CNTLN: variants seen among roughly 807,000 people sequenced by gnomAD.
The protein encoded by CNTLN is centlein, centrosomal protein.
In CNTLN, 212 loss-of-function variants were observed where a neutral mutation model predicts 180.0. The observed-to-expected ratio is 1.18, with a 90% CI of 1.05 to 1.32. The LOEUF (loss-of-function observed/expected upper bound fraction) is 1.32. Among genes scored for constraint, CNTLN ranks in the 40% most tolerant of loss-of-function variants. The pLI, the probability that CNTLN is intolerant of heterozygous loss-of-function variation, is 0.00. For synonymous variants in CNTLN, 722 were observed against 563.1 expected (o/e 1.28, Z -3.99); for missense variants, 2,095 against 1,610.9 (o/e 1.30, Z -5.14).
At position 17,458,465 on chromosome 9, in the gene CNTLN, T is replaced by C. The variant is rs575010709; in HGVS notation, c.3306+750T>C. 5.3e-5 allele frequency among the ~76,000 whole-genome samples: 8 copies of C among 152,042 alleles called. No individual in the cohort carries two copies. In the East Asian group the frequency reaches 1.4e-3, roughly 26 times the overall value. Reference sequence around the variant, plus strand: ...AGTATATATGGGACCATTGCTATAATGTGAGTCACTAGAAAGAAAATCCTG... The same window carrying C: ...AGTATATATGGGACCATTGCTATAACGTGAGTCACTAGAAAGAAAATCCTG... On this transcript the variant is annotated intron_variant, in intron 19 of 25. Transcript: ENST00000380647.
At chr9:17,312,366 A>ATATATATATATATAT (rs1554685993) in intron 8 of CNTLN, among the ~76,000 whole-genome samples, 23 of 9,314 alleles carry the variant, frequency 2.5e-3, no homozygotes, top group Admixed American at 6.4e-3. Flanking sequence ...TATATATATT[A>ATATATATATATATAT]TATATATATA....
chr9:17,517,973 T>A, the CNTLN span, among the ~76,000 whole-genome samples: 1 of 151,284 alleles, frequency 6.6e-6, no homozygotes, highest in Non-Finnish European at 1.5e-5. Flanking sequence ...CTCTTTAGGC[T>A]TTTTTTCTTC....
intron 7 of CNTLN, chr9:17,302,165 A>T (rs1189847573): frequency 1.1e-6 from 1 of 942,692 alleles, no homozygotes; most frequent in Middle Eastern, 5.4e-4. Flanking sequence ...ACTTCCTTTT[A>T]TGAAGCTATA....
rs763857715 is a variant in CNTLN at position 17,309,271 on chromosome 9, A to T, written c.1341+19A>T. The T allele has an allele frequency of 6.6e-7, 1 of 1,519,852 alleles. No individual in the cohort carries two copies. The highest frequency in any genetic ancestry group is 2.2e-5 in the Admixed American group (1 of 46,358). The allele number at this position is 1,519,852 out of a possible 1,614,324, so 94.1% of individuals were successfully genotyped here. A position where few individuals can be genotyped will look rare whatever the true frequency, so the allele number is the denominator to read the frequency against. ...AGCACAGGTGAGAGACATTTTCTAA[A>T]ACTGTTATTCAGTGTAATATTAAAT... On this transcript the variant is annotated intron_variant, in intron 8 of 25. Coordinates refer to ENST00000380647, the MANE Select transcript of CNTLN (RefSeq NM_017738.4).
At chr9:17,239,433 T>TC (rs1329239312) in intron 5 of CNTLN, among the ~76,000 whole-genome samples, 1 of 147,706 alleles carries the variant, frequency 6.8e-6, no homozygotes, top group East Asian at 2.0e-4. Context: ...TACTTTTTAC[T>TC]CTTTTGATGG....
At chr9:17,389,037 G>GC in intron 14 of CNTLN, among the ~76,000 whole-genome samples, 1 of 151,950 alleles carries the variant, frequency 6.6e-6, no homozygotes, top group South Asian at 2.1e-4. Context: ...TTAATACTTA[G>GC]ATAAAGCTGA....
chr9:17,174,561 T>A (rs1820601620), intron 2 of CNTLN, among the ~76,000 whole-genome samples: 1 of 151,968 alleles, frequency 6.6e-6, no homozygotes, highest in Admixed American at 6.6e-5. Flanking sequence ...CCGGACGTGG[T>A]GGTGGGTGCC....
chr9:17,211,703 C>G (rs541222372), intron 2 of CNTLN, among the ~76,000 whole-genome samples: 1 of 151,824 alleles, frequency 6.6e-6, no homozygotes, highest in East Asian at 2.1e-4. Flanking sequence ...AATGTTCTTC[C>G]ATTTGTTTAT....
At chr9:17,350,863 A>T (rs1015962687) in intron 12 of CNTLN, among the ~76,000 whole-genome samples, 1 of 152,186 alleles carries the variant, frequency 6.6e-6, no homozygotes, top group African/African-American at 2.4e-5. Flanking sequence ...TTCAAATCTG[A>T]TGTATGAACA....
At chr9:17,445,196 A>G (rs1018646996) in intron 18 of CNTLN, among the ~76,000 whole-genome samples, 122 of 152,298 alleles carry the variant, frequency 8.0e-4, no homozygotes, top group African/African-American at 2.7e-3. Context: ...TATAGGGTAT[A>G]TTTATAAATG....
rs763678026 is a variant in CNTLN at position 17,464,482 on chromosome 9, T to C, written c.3405-15T>C. 15 of 900,016 alleles carry C rather than the reference T, an allele frequency of 1.7e-5. No homozygotes were observed. Among genetic ancestry groups the C allele is most frequent in the Non-Finnish European group, 2.1e-5 (14 of 661,494 alleles). 55.8% of individuals were successfully genotyped at this position (900,016 alleles called of 1,614,324 possible). A position where few individuals can be genotyped will look rare whatever the true frequency, so the allele number is the denominator to read the frequency against. ...ATTTTCTGTCACTCTTGATGTCACC[T>C]TTTTTTTTTTCAAGGATATCTCGAA... On this transcript the variant is annotated splice_polypyrimidine_tract_variant and intron_variant, in intron 20 of 25. Transcript: ENST00000380647.
At chr9:17,527,381 C>T in the CNTLN span, among the ~76,000 whole-genome samples, 3 of 152,170 alleles carry the variant, frequency 2.0e-5, no homozygotes, top group African/African-American at 7.2e-5. Context: ...TTCAAGCAGG[C>T]TATACTATCA....
chr9:17,175,351 T>A (rs934236854), intron 2 of CNTLN, among the ~76,000 whole-genome samples: 1 of 152,132 alleles, frequency 6.6e-6, no homozygotes, highest in Non-Finnish European at 1.5e-5. Context: ...GTTTCTTTTC[T>A]TTTTTTGCCT....
intron 15 of CNTLN, among the ~76,000 whole-genome samples, chr9:17,402,394 A>G (rs1827048788): frequency 6.6e-6 from 1 of 151,814 alleles, no homozygotes; most frequent in African/African-American, 2.4e-5. Context: ...AAAGAAAAAT[A>G]CAGTTCTTCT....
intron 6 of CNTLN, among the ~76,000 whole-genome samples, chr9:17,279,433 T>A: frequency 6.6e-6 from 1 of 152,190 alleles, no homozygotes; most frequent in East Asian, 1.9e-4. Context: ...ATGTGACTTA[T>A]TTTGGCCAGT....
At chr9:17,190,277 A>G (rs531269722) in intron 2 of CNTLN, among the ~76,000 whole-genome samples, 41 of 151,464 alleles carry the variant, frequency 2.7e-4, no homozygotes, top group Admixed American at 1.1e-3. Flanking sequence ...ACAGTTTTCA[A>G]GGTTTTTTAA....
chr9:17,526,231 G>C, the CNTLN span, among the ~76,000 whole-genome samples: 3 of 152,100 alleles, frequency 2.0e-5, no homozygotes, highest in African/African-American at 7.2e-5. Flanking sequence ...CACCGTGCCC[G>C]GCCTGGACAT....
intron 12 of CNTLN, among the ~76,000 whole-genome samples, chr9:17,345,691 A>T (rs1821826381): frequency 6.6e-6 from 1 of 151,980 alleles, no homozygotes. Context: ...AGTTATCTCA[A>T]ATATTTTCTC....
chr9:17,454,628 A>G (rs975546962), intron 18 of CNTLN, among the ~76,000 whole-genome samples: 1 of 152,240 alleles, frequency 6.6e-6, no homozygotes, highest in African/African-American at 2.4e-5. Context: ...CCTTTACCAC[A>G]AGATAACAAT....
Sources: allele counts gnomAD v4.1 joint callset (sites outside exome capture counted in the v4.1 genomes callset), GRCh38; gene constraint gnomAD v4.1.1; transcripts MANE v1.5; gene names NCBI Gene and HGNC (gene_info 2026-07-23, HGNC 2026-07-21).